CSMD3: variants seen among roughly 807,000 people sequenced by gnomAD.
CSMD3 encodes the protein CUB and sushi domain-containing protein 3.
Under a neutral mutation model 435.2 loss-of-function variants are expected in CSMD3, and 177 were observed. That is an observed-to-expected ratio of 0.41 (90% CI 0.36 to 0.46). CSMD3 has a LOEUF of 0.46. Among genes scored for constraint, CSMD3 ranks in the 20% least tolerant of loss-of-function variants. CSMD3 has a pLI of 0.34. For missense variants in CSMD3, 4,265 were observed against 4,504.6 expected (o/e 0.95, Z 1.52); for synonymous variants, 1,656 against 1,520.5 (o/e 1.09, Z -2.07).
intron 13 of CSMD3, among the ~76,000 whole-genome samples, chr8:112,795,898 A>T (rs991839247): frequency 1.1e-4 from 16 of 152,188 alleles, no homozygotes; most frequent in Admixed American, 5.9e-4. Flanking sequence ...TCTTTATAAA[A>T]GTAATAATCA....
chr8:112,531,957 C>T (rs1825581744), intron 27 of CSMD3, among the ~76,000 whole-genome samples: 1 of 151,726 alleles, frequency 6.6e-6, no homozygotes, highest in African/African-American at 2.4e-5. Flanking sequence ...TTTGAGGAAG[C>T]TCAGTGAACT....
intron 2 of CSMD3, among the ~76,000 whole-genome samples, chr8:113,298,327 T>C (rs1043954648): frequency 1.3e-5 from 2 of 152,130 alleles, no homozygotes; most frequent in African/African-American, 2.4e-5. Flanking sequence ...AGGTTTTTTT[T>C]CTAAAATAAC....
chr8:112,342,991 A>ATATATT (rs1249541849), intron 41 of CSMD3, among the ~76,000 whole-genome samples: 9 of 41,082 alleles, frequency 2.2e-4, no homozygotes, highest in African/African-American at 5.4e-4. Context: ...ATATATTTAT[A>ATATATT]TATATATATT....
chr8:112,572,255 G>A (rs1829591783), intron 24 of CSMD3, among the ~76,000 whole-genome samples: 1 of 151,944 alleles, frequency 6.6e-6, no homozygotes. Flanking sequence ...AAATCACATT[G>A]TACACACAGT....
intron 38 of CSMD3, 60 bp downstream of exon 38, chr8:112,380,291 AT>A: frequency 4.4e-6 from 4 of 909,736 alleles, no homozygotes; most frequent in Non-Finnish European, 7.2e-6. Context: ...CAACAAAAAT[AT>A]TTTTAATTAA....
In CSMD3 at chr8:112,301,257, A is replaced by AT. The variant is rs568274448; in HGVS notation, c.8440+535dup. Among the ~76,000 whole-genome samples, 78 of 152,190 alleles carry AT rather than the reference A, an allele frequency of 5.1e-4. 1 individual carries two copies. Among genetic ancestry groups the AT allele is most frequent in the African/African-American group, 1.8e-3 (75 of 41,556 alleles). On this transcript the variant is annotated intron_variant, in intron 53 of 70. Coordinates refer to ENST00000297405, the MANE Select transcript of CSMD3 (RefSeq NM_198123.2). ...ACTAGTTCAGTTTCTTTAACTGAAG[A>AT]TTTTTTATAATAAATACTCTAAGGG...
At chr8:112,981,380 T>C (rs182526563) in intron 6 of CSMD3, among the ~76,000 whole-genome samples, 1 of 151,630 alleles carries the variant, frequency 6.6e-6, no homozygotes, top group East Asian at 1.9e-4. Flanking sequence ...TAAATACTAA[T>C]TTAAAAATAT....
At chr8:113,248,498 C>T (rs1321764457) in intron 3 of CSMD3, among the ~76,000 whole-genome samples, 4 of 136,970 alleles carry the variant, frequency 2.9e-5, no homozygotes, top group Non-Finnish European at 6.3e-5. Flanking sequence ...TATATATACA[C>T]ACACACATAT....
intron 13 of CSMD3, among the ~76,000 whole-genome samples, chr8:112,721,031 A>C (rs2076846238): frequency 1.3e-5 from 2 of 152,160 alleles, no homozygotes; most frequent in Admixed American, 1.3e-4. Flanking sequence ...TTAACAGTAG[A>C]ACAGGGTCTA....
intron 17 of CSMD3, among the ~76,000 whole-genome samples, chr8:112,662,752 G>A (rs1209745108): frequency 6.6e-6 from 1 of 151,510 alleles, no homozygotes; most frequent in Non-Finnish European, 1.5e-5. Flanking sequence ...CAGAATGGGA[G>A]AAAATTTTTG....
intron 3 of CSMD3, among the ~76,000 whole-genome samples, chr8:113,248,869 A>T (rs533590893): frequency 1.0e-3 from 156 of 152,088 alleles, no homozygotes; most frequent in Non-Finnish European, 1.5e-3. Flanking sequence ...TTTTAATGTA[A>T]CGGCGATTGC....
At chr8:112,991,120 C>T (rs570577729) in intron 6 of CSMD3, among the ~76,000 whole-genome samples, 1 of 151,460 alleles carries the variant, frequency 6.6e-6, no homozygotes, top group African/African-American at 2.4e-5. Flanking sequence ...TTATGAGGAC[C>T]TACTTAATCA....
chr8:112,603,725 C>T (rs1002727471), intron 22 of CSMD3, among the ~76,000 whole-genome samples: 2 of 151,966 alleles, frequency 1.3e-5, no homozygotes, highest in Admixed American at 1.3e-4. Context: ...TTTTATGTTA[C>T]ATGGTTCATC....
chr8:113,195,814 TACACAC>T (rs1015240509), intron 3 of CSMD3, among the ~76,000 whole-genome samples: 11 of 133,442 alleles, frequency 8.2e-5, no homozygotes, highest in Admixed American at 3.7e-4. Flanking sequence ...TATATATATA[TACACAC>T]ACACACACAC....
chr8:112,904,277 T>C (rs1000783133), intron 10 of CSMD3, among the ~76,000 whole-genome samples: 2 of 151,458 alleles, frequency 1.3e-5, no homozygotes, highest in African/African-American at 4.8e-5. Flanking sequence ...AGACAGTGAA[T>C]GTTAAAAGTT....
chr8:112,315,644 C>G (rs1027752285), intron 47 of CSMD3, among the ~76,000 whole-genome samples: 1 of 151,742 alleles, frequency 6.6e-6, no homozygotes, highest in East Asian at 1.9e-4. Context: ...AAATGTCTTA[C>G]GAACATAATT....
chr8:112,651,110 T>A (rs1250293742), intron 18 of CSMD3, among the ~76,000 whole-genome samples: 1 of 152,196 alleles, frequency 6.6e-6, no homozygotes, highest in Admixed American at 6.5e-5. Flanking sequence ...TGCTACACAT[T>A]TCTTGGGGTG....
chr8:112,349,321 T>C (rs1308949015), intron 40 of CSMD3, among the ~76,000 whole-genome samples: 1 of 152,062 alleles, frequency 6.6e-6, no homozygotes, highest in Admixed American at 6.6e-5. Flanking sequence ...AACAATATGG[T>C]ATGAGAAATT....
rs553391629 is a variant in CSMD3, at chr8:113,397,673, C to G, written c.178+39004G>C. 4.7e-4 allele frequency among the ~76,000 whole-genome samples: 72 copies of G among 151,804 alleles called. 1 individual carries two copies. Among genetic ancestry groups the G allele is most frequent in the African/African-American group, 1.6e-3 (68 of 41,418 alleles). ...CTAGTAAAAATACAAAAAAAATTAG[C>G]CGGACATCGTGGCGGGCTCCTGTAG... is the stretch of plus-strand genomic sequence containing the variant. On this transcript the variant is annotated intron_variant, in intron 1 of 70. Coordinates refer to ENST00000297405, the MANE Select transcript of CSMD3 (RefSeq NM_198123.2).
Sources: allele counts gnomAD v4.1 joint callset (sites outside exome capture counted in the v4.1 genomes callset), GRCh38; gene constraint gnomAD v4.1.1; transcripts MANE v1.5; gene names NCBI Gene and HGNC (gene_info 2026-07-23, HGNC 2026-07-21).